Variants in ACTR3C observed in about 807,000 individuals in gnomAD.
The protein encoded by ACTR3C is actin-related protein 3C.
Under a neutral mutation model 26.3 loss-of-function variants are expected in ACTR3C, and 18 were observed. That is an observed-to-expected ratio of 0.68 (90% CI 0.47 to 1.01). The LOEUF is 1.01. ACTR3C is among the 50% of genes least tolerant of loss of function. The pLI, the probability that ACTR3C is intolerant of heterozygous loss-of-function variation, is 0.00. For synonymous variants in ACTR3C, 55 were observed against 94.5 expected (o/e 0.58, Z 2.42); for missense variants, 184 against 250.7 (o/e 0.73, Z 1.80).
chr7:150,101,421 T>C, the ACTR3C span, among the ~76,000 whole-genome samples: 1 of 151,648 alleles, frequency 6.6e-6, no homozygotes, highest in East Asian at 1.9e-4. Flanking sequence ...TTGTGCAAAC[T>C]CAGAAAGTTG....
chr7:150,094,056 C>A, the ACTR3C span, among the ~76,000 whole-genome samples: 1 of 150,424 alleles, frequency 6.6e-6, no homozygotes, highest in Non-Finnish European at 1.5e-5. Flanking sequence ...AGAGACCCAC[C>A]AGCTGTCCGT....
the ACTR3C span, among the ~76,000 whole-genome samples, chr7:150,112,921 G>A: frequency 6.6e-6 from 1 of 152,110 alleles, no homozygotes; most frequent in Non-Finnish European, 1.5e-5. Context: ...ATGTATTTAT[G>A]CTGCTGCATC....
chr7:150,323,262 C>T (rs1797747354), intron 1 of ACTR3C: 1 of 248,048 alleles, frequency 4.0e-6, no homozygotes, highest in Non-Finnish European at 8.0e-6. Flanking sequence ...CGAAGACCCC[C>T]GCAGGCTGCG....
the ACTR3C span, among the ~76,000 whole-genome samples, chr7:149,906,186 C>G: frequency 6.6e-6 from 1 of 152,044 alleles, no homozygotes; most frequent in African/African-American, 2.4e-5. Flanking sequence ...TTTGAACTCA[C>G]AAAACGATGT....
At chr7:150,203,725 C>T in the ACTR3C span, among the ~76,000 whole-genome samples, 1 of 152,122 alleles carries the variant, frequency 6.6e-6, no homozygotes, top group African/African-American at 2.4e-5. Flanking sequence ...GCCACCACGC[C>T]TGGCTAATTT....
the ACTR3C span, among the ~76,000 whole-genome samples, chr7:150,085,604 A>G: frequency 6.6e-6 from 1 of 152,232 alleles, no homozygotes; most frequent in Non-Finnish European, 1.5e-5. Flanking sequence ...ATTTCATTAA[A>G]GCAAGTATGT....
At chr7:150,149,902 T>A in the ACTR3C span, among the ~76,000 whole-genome samples, 1 of 152,260 alleles carries the variant, frequency 6.6e-6, no homozygotes, top group Non-Finnish European at 1.5e-5. Context: ...GGATTTTATA[T>A]GTGCACACTG....
the ACTR3C span, among the ~76,000 whole-genome samples, chr7:149,936,225 A>G: frequency 5.3e-5 from 8 of 152,148 alleles, no homozygotes; most frequent in African/African-American, 1.7e-4. Context: ...CAAAGCTTCA[A>G]TCTAAGCTAA....
chr7:149,882,750 C>A, the ACTR3C span, among the ~76,000 whole-genome samples: 1 of 152,234 alleles, frequency 6.6e-6, no homozygotes, highest in Non-Finnish European at 1.5e-5. Flanking sequence ...AAGCTGAGCT[C>A]CATTCAGATC....
At chr7:150,187,352 T>G in the ACTR3C span, among the ~76,000 whole-genome samples, 3 of 152,080 alleles carry the variant, frequency 2.0e-5, no homozygotes, top group Non-Finnish European at 4.4e-5. Flanking sequence ...GTAAAAATGT[T>G]ACAAATATAG....
chr7:149,941,216 G>A, the ACTR3C span, among the ~76,000 whole-genome samples: 1 of 152,130 alleles, frequency 6.6e-6, no homozygotes, highest in Admixed American at 6.5e-5. Context: ...TAGGTTCCTG[G>A]CATATAAATG....
the ACTR3C span, among the ~76,000 whole-genome samples, chr7:149,926,101 T>A: frequency 6.6e-6 from 1 of 151,794 alleles, no homozygotes; most frequent in Non-Finnish European, 1.5e-5. Flanking sequence ...GAAACCACCA[T>A]GTAATCTGGG....
chr7:150,036,783 T>C, the ACTR3C span, among the ~76,000 whole-genome samples: 1 of 137,662 alleles, frequency 7.3e-6, no homozygotes, highest in Admixed American at 7.0e-5. Context: ...GATTTGAACT[T>C]TCTAATTGGA....
chr7:150,048,989 G>A, the ACTR3C span, among the ~76,000 whole-genome samples: 2 of 152,062 alleles, frequency 1.3e-5, no homozygotes, highest in South Asian at 2.1e-4. Context: ...TATCATGAAC[G>A]CAGGCGGAGG....
At chr7:149,982,091 T>C in the ACTR3C span, among the ~76,000 whole-genome samples, 2 of 152,200 alleles carry the variant, frequency 1.3e-5, no homozygotes, top group Non-Finnish European at 1.5e-5. Flanking sequence ...AGAAGCCTCC[T>C]GGGTGCAGGT....
the ACTR3C span, among the ~76,000 whole-genome samples, chr7:149,925,389 CA>C: frequency 6.6e-6 from 1 of 152,160 alleles, no homozygotes; most frequent in East Asian, 1.9e-4. Context: ...GGAGGAACAA[CA>C]ATCGAAAACA....
the ACTR3C span, among the ~76,000 whole-genome samples, chr7:149,918,863 C>T: frequency 6.6e-6 from 1 of 152,174 alleles, no homozygotes; most frequent in African/African-American, 2.4e-5. Context: ...GCCCAACACA[C>T]TCCCTAGATC....
chr7:150,191,944 ATAATT>A, the ACTR3C span, among the ~76,000 whole-genome samples: 94 of 152,272 alleles, frequency 6.2e-4, no homozygotes, highest in Non-Finnish European at 1.1e-3. Context: ...AGTGGATATT[ATAATT>A]TATTTTCAAA....
the ACTR3C span, among the ~76,000 whole-genome samples, chr7:150,219,124 G>A: frequency 6.7e-6 from 1 of 148,976 alleles, no homozygotes; most frequent in Non-Finnish European, 1.5e-5. Flanking sequence ...TCCTTTATCT[G>A]CCAAGTGAAT....
Sources: allele counts gnomAD v4.1 joint callset (sites outside exome capture counted in the v4.1 genomes callset), GRCh38; gene constraint gnomAD v4.1.1; transcripts MANE v1.5; gene names NCBI Gene and HGNC (gene_info 2026-07-23, HGNC 2026-07-21).